APC: variants seen among roughly 807,000 people sequenced by gnomAD.
The protein encoded by APC is adenomatous polyposis coli protein.
In APC, 72 loss-of-function variants were observed where a neutral mutation model predicts 247.0. That is an observed-to-expected ratio of 0.29 (90% CI 0.24 to 0.35). The LOEUF is 0.35. APC is among the 10% of genes least tolerant of loss of function. The pLI is 1.00. For synonymous variants in APC, 1,254 were observed against 1,162.5 expected (o/e 1.08, Z -1.60); for missense variants, 3,400 against 3,360.7 (o/e 1.01, Z -0.29).
intron 4 of APC, among the ~76,000 whole-genome samples, chr5:112,769,815 T>G (rs1031534963): frequency 2.6e-5 from 4 of 152,232 alleles, no homozygotes; most frequent in African/African-American, 9.6e-5. Context: ...TCCAGTTTCA[T>G]ATATGCCCAT....
At position 112,843,234 on chromosome 5, in the gene APC, G is replaced by A; in HGVS notation, c.7640G>A (p.Trp2547Ter). 1 of 1,613,802 alleles carries A rather than the reference G, an allele frequency of 6.2e-7. No homozygotes were observed. Reference protein sequence around the residue: ...SRLPINRSGTWKREHSKHSSS... With the variant: ...SRLPINRSGT ...CTTCCAATCAATAGGTCAGGAACCTGGAAACGTGAGCACAGCAAACATTCA... is the reference window on the plus strand; with the variant it reads ...CTTCCAATCAATAGGTCAGGAACCTAGAAACGTGAGCACAGCAAACATTCA... Residue 2547 changes from tryptophan to a stop codon, truncating the protein, a stop_gained, in exon 16 of 16, where the codon TGG (tryptophan) becomes TAG (stop). Coordinates refer to ENST00000257430, the MANE Select transcript of APC (RefSeq NM_000038.6). LOFTEE classifies it high-confidence loss of function. This position sits in a 1 kb window ranked among gnomAD's most constrained non-coding sequence, Gnocchi z 4.8.
rs1169203739 is a variant in APC, at chr5:112,842,610, C to G, written c.7016C>G (p.Pro2339Arg). The change falls in exon 16 of 16, where the codon CCT (proline) becomes CGT (arginine). Residue 2339 changes from proline to arginine, a missense_variant. Physicochemically the swap from Pro to Arg is moderately radical, Grantham distance 103. Coordinates refer to ENST00000257430, the MANE Select transcript of APC (RefSeq NM_000038.6). ...CCTGGTAGAAATGGAATAAGTCCTC[C>G]TAACAAATTATCTCAACTTCCAAGG... ...ISPGRNGISP[P>R]NKLSQLPRTS... is the part of the protein sequence containing the mutation. The G allele has an allele frequency of 6.2e-7, 1 of 1,613,828 alleles. No homozygotes were observed. The highest frequency in any genetic ancestry group is 2.2e-5 in the East Asian group (1 of 44,882).
intron 8 of APC, 29 bp downstream of exon 8, chr5:112,801,412 A>T (rs761875043): frequency 6.9e-6 from 10 of 1,438,998 alleles, no homozygotes; most frequent in Non-Finnish European, 9.5e-6. Flanking sequence ...CATATTTTTT[A>T]AAATTATTTA....
At chr5:112,833,473 G>A (rs144732664) in intron 14 of APC, among the ~76,000 whole-genome samples, 17 of 152,026 alleles carry the variant, frequency 1.1e-4, no homozygotes, top group African/African-American at 3.6e-4. Context: ...GAGCCATTGC[G>A]CCTGGCCGCC....
At chr5:112,780,642 C>T in intron 5 of APC, 148 bp from the exon 6 acceptor site, 2 of 610,636 alleles carry the variant, frequency 3.3e-6, no homozygotes, top group Non-Finnish European at 5.9e-6. Context: ...AATTTAAACA[C>T]TCCTTGGAGT....
At chr5:112,722,057 A>ACC (rs35256699) in intron 1 of APC, among the ~76,000 whole-genome samples, 3 of 151,848 alleles carry the variant, frequency 2.0e-5, no homozygotes, top group South Asian at 2.1e-4. Context: ...GGAAAAAAAG[A>ACC]CCCCCCCATT....
At chr5:112,797,811 T>C (rs1287702684) in intron 7 of APC, among the ~76,000 whole-genome samples, 1 of 152,100 alleles carries the variant, frequency 6.6e-6, no homozygotes, top group Non-Finnish European at 1.5e-5. Flanking sequence ...AAGGTATATA[T>C]AGGAATGGCA....
chr5:112,738,067 C>A (rs1752531976), intron 1 of APC, 142 bp downstream of exon 1: 1 of 491,282 alleles, frequency 2.0e-6, no homozygotes, highest in Non-Finnish European at 2.6e-6. Flanking sequence ...GGGGCGTCGT[C>A]CCCCCGCCCC....
chr5:112,844,285 T>C lies in APC; in HGVS notation c.*159T>C. On this transcript the variant is annotated 3_prime_UTR_variant, in exon 16 of 16. Coordinates refer to ENST00000257430, the MANE Select transcript of APC (RefSeq NM_000038.6). ...CTGGAAGCCATATTTGATAGTATAC[T>C]TTGTCTTCACTGGTCTTATTTTGGG... 1.4e-6 allele frequency: 1 copy of C among 702,498 alleles called. No individual in the cohort carries two copies. The highest frequency in any genetic ancestry group is 2.3e-6 in the Non-Finnish European group (1 of 434,888). 43.5% of individuals were successfully genotyped at this position (702,498 alleles called of 1,614,324 possible).
At chr5:112,801,476 C>A in intron 8 of APC, 93 bp downstream of exon 8, 1 of 977,820 alleles carries the variant, frequency 1.0e-6, no homozygotes, top group Non-Finnish European at 1.5e-6. Flanking sequence ...ATAAATCTTA[C>A]CTATTTTCTT....
intron 2 of APC, 134 bp from the exon 3 acceptor site, chr5:112,766,192 G>A (rs1561461797): frequency 3.2e-6 from 2 of 619,000 alleles, no homozygotes; most frequent in East Asian, 2.8e-5. Flanking sequence ...TGAATAATAG[G>A]TAATATATAT....
chr5:112,804,614 G>A (rs566585084), intron 8 of APC, among the ~76,000 whole-genome samples: 7 of 152,280 alleles, frequency 4.6e-5, no homozygotes, highest in South Asian at 4.1e-4. Context: ...TCTTGACCTC[G>A]TGATCCTCCC....
rs2149864264 is a variant in APC, at chr5:112,837,838, C to T, written c.2244C>T (p.Ser748=). The T allele has an allele frequency of 6.2e-7, 1 of 1,614,040 alleles. No individual in the cohort carries two copies. The highest frequency in any genetic ancestry group is 1.3e-5 in the African/African-American group (1 of 75,044). ...KDANIMSPGS[S]LPSLHVRKQK... ...CCAATATTATGTCTCCTGGCTCAAG[C>T]TTGCCATCTCTTCATGTTAGGAAAC... The change falls in exon 16 of 16, where the codon AGC becomes AGT. Residue 748 remains serine (S), a synonymous_variant. Transcript: ENST00000257430.
chr5:112,735,286 C>T (rs935785254), upstream of APC, among the ~76,000 whole-genome samples: 2 of 152,018 alleles, frequency 1.3e-5, no homozygotes, highest in Non-Finnish European at 2.9e-5. Flanking sequence ...AGTGATCCTC[C>T]CACCTCAGCC....
chr5:112,726,274 C>T (rs916676287), intron 1 of APC, among the ~76,000 whole-genome samples: 3 of 152,172 alleles, frequency 2.0e-5, no homozygotes, highest in East Asian at 1.9e-4. Flanking sequence ...AGGTTGTACA[C>T]GGACTTGAAG....
intron 1 of APC, among the ~76,000 whole-genome samples, chr5:112,708,360 T>A (rs974852493): frequency 1.3e-5 from 2 of 152,200 alleles, no homozygotes; most frequent in Non-Finnish European, 2.9e-5. Context: ...GAGAATCAAG[T>A]CCCCAGGAGC....
chr5:112,829,303 A>G (rs991930815), intron 14 of APC: 1 of 267,600 alleles, frequency 3.7e-6, no homozygotes, highest in Non-Finnish European at 7.3e-6. Context: ...ACTCCCGGCT[A>G]TTTGTATTTT....
intron 11 of APC, among the ~76,000 whole-genome samples, chr5:112,824,648 A>G (rs554732815): frequency 2.6e-5 from 4 of 152,064 alleles, no homozygotes; most frequent in Non-Finnish European, 5.9e-5. Flanking sequence ...TATCCCAGTT[A>G]TTGTCACACC....
chr5:112,786,713 A>C (rs2149665039), intron 6 of APC, among the ~76,000 whole-genome samples: 1 of 152,196 alleles, frequency 6.6e-6, no homozygotes, highest in East Asian at 1.9e-4. Flanking sequence ...AAGTATTAAA[A>C]AAGAAAACAG....
Sources: allele counts gnomAD v4.1 joint callset (sites outside exome capture counted in the v4.1 genomes callset), GRCh38; gene constraint gnomAD v4.1.1; non-coding constraint Gnocchi (gnomAD v3.1); transcripts MANE v1.5; gene names NCBI Gene and HGNC (gene_info 2026-07-23, HGNC 2026-07-21).